Variants in PAN3 observed in about 807,000 individuals in gnomAD.
PAN3 encodes the protein PAN2-PAN3 deadenylation complex subunit PAN3.
PAN3 carries 19 observed loss-of-function variants against 96.2 expected under a neutral mutation model. The ratio of observed to expected loss-of-function variants is 0.20; its 90% CI spans 0.14 to 0.29. The LOEUF (loss-of-function observed/expected upper bound fraction) is 0.29. Among genes scored for constraint, PAN3 ranks in the 10% least tolerant of loss-of-function variants. The pLI, the probability that PAN3 is intolerant of heterozygous loss-of-function variation, is 1.00. For synonymous variants in PAN3, 433 were observed against 406.6 expected, an observed-to-expected ratio of 1.06 and a Z score of -0.78; for missense variants, 882 against 1,108.1, an observed-to-expected ratio of 0.80 and a Z score of 2.90.
At chr13:28,173,923 C>T (rs1874621693) in intron 1 of PAN3, among the ~76,000 whole-genome samples, 1 of 152,260 alleles carries the variant, frequency 6.6e-6, no homozygotes, top group South Asian at 2.1e-4. Context: ...TGTTTACCAT[C>T]CAGTGATTCA....
chr13:28,258,159 AAG>A (rs1239185920), intron 7 of PAN3, among the ~76,000 whole-genome samples: 1 of 152,092 alleles, frequency 6.6e-6, no homozygotes, highest in Non-Finnish European at 1.5e-5. Context: ...CACAAGAAAA[AAG>A]AGATATTATT....
chr13:28,243,396 C>G (rs1316765418), intron 6 of PAN3, among the ~76,000 whole-genome samples: 13 of 152,046 alleles, frequency 8.6e-5, no homozygotes, highest in Admixed American at 8.5e-4. Context: ...AAAACATAAG[C>G]AAAACAAAAA....
At chr13:28,224,824 A>G (rs556788474) in intron 6 of PAN3, among the ~76,000 whole-genome samples, 146 of 152,214 alleles carry the variant, frequency 9.6e-4, no homozygotes, top group African/African-American at 2.8e-3. Flanking sequence ...AGTTCTCACT[A>G]TATTTTCCAG....
chr13:28,266,457 A>T (rs1309005599), intron 9 of PAN3, among the ~76,000 whole-genome samples: 1 of 152,178 alleles, frequency 6.6e-6, no homozygotes, highest in Non-Finnish European at 1.5e-5. Context: ...ACAAATTTGT[A>T]TTGTGCTATA....
intron 6 of PAN3, among the ~76,000 whole-genome samples, chr13:28,254,733 A>T (rs1885003268): frequency 6.6e-6 from 1 of 152,132 alleles, no homozygotes; most frequent in African/African-American, 2.4e-5. Flanking sequence ...GGGTTTTTTT[A>T]AAGTTTCTTT....
Position 28,292,490 on chromosome 13 carries a change from G to A in PAN3, c.2632G>A (p.Glu878Lys), listed in dbSNP as rs1224575001. The A allele has an allele frequency of 1.2e-6, 2 of 1,612,154 alleles. No homozygotes were observed. Among genetic ancestry groups the A allele is most frequent in the African/African-American group, 1.3e-5 (1 of 74,876 alleles). Reference protein sequence around the residue: ...LKRCFENTFQELIAAANGQL With the variant: ...LKRCFENTFQKLIAAANGQL Reference sequence around the variant, plus strand: ...GCGCTGCTTTGAAAATACTTTTCAAGAACTGATTGCAGCTGCAAATGGTCA... The same window carrying A: ...GCGCTGCTTTGAAAATACTTTTCAAAAACTGATTGCAGCTGCAAATGGTCA... The change falls in exon 19 of 19, where the codon GAA becomes AAA. Residue 878 changes from glutamate to lysine, a missense_variant. Glu to Lys is a moderately conservative substitution (Grantham distance 56, BLOSUM62 1). Around this residue, in one of 3 missense-constraint regions of PAN3, gnomAD observed 76 missense variants for 171.7 expected, o/e 0.44. Coordinates refer to ENST00000380958, the MANE Select transcript of PAN3 (RefSeq NM_175854.8).
intron 7 of PAN3, among the ~76,000 whole-genome samples, chr13:28,258,904 T>C (rs374284507): frequency 2.9e-4 from 44 of 152,330 alleles, no homozygotes; most frequent in African/African-American, 1.0e-3. Context: ...ATAAGTGCTT[T>C]GTGAATAGTT....
At chr13:28,277,152 T>G in intron 14 of PAN3, 85 bp from the exon 15 acceptor site, 1 of 1,329,596 alleles carries the variant, frequency 7.5e-7, no homozygotes. Context: ...TAATGATGCT[T>G]TTTCCATTTA....
At chr13:28,169,364 G>A (rs548829344) in intron 1 of PAN3, among the ~76,000 whole-genome samples, 53 of 151,088 alleles carry the variant, frequency 3.5e-4, no homozygotes, top group African/African-American at 1.3e-3. Flanking sequence ...CAAGTAGCTG[G>A]TCTTACAGGT....
intron 6 of PAN3, among the ~76,000 whole-genome samples, chr13:28,251,875 GGTTTGTTT>G (rs3029488): frequency 1.3e-5 from 2 of 150,232 alleles, no homozygotes; most frequent in African/African-American, 2.5e-5. Flanking sequence ...TCTTGGGGTT[GGTTTGTTT>G]GTTTGTTTGT....
intron 5 of PAN3, among the ~76,000 whole-genome samples, chr13:28,204,831 GGTT>G (rs1879157387): frequency 6.6e-6 from 1 of 152,118 alleles, no homozygotes; most frequent in Non-Finnish European, 1.5e-5. Context: ...AAAATTGTGT[GGTT>G]GTGAATCATA....
In PAN3 at chr13:28,203,807, CT is replaced by C. The variant is rs767439908; in HGVS notation, c.852+6476del. On this transcript the variant is annotated intron_variant, in intron 5 of 18. Coordinates refer to ENST00000380958, the MANE Select transcript of PAN3 (RefSeq NM_175854.8). ...CGTCTCTGCTTTTCTTTTTTCTTTTCTTTTTTTTTTTTTTTGAGACGGAGTC... is the reference window on the plus strand; with the variant it reads ...CGTCTCTGCTTTTCTTTTTTCTTTTCTTTTTTTTTTTTTTGAGACGGAGTC... 5.1e-3 allele frequency among the ~76,000 whole-genome samples: 712 copies of C among 139,812 alleles called. 3 individuals carry two copies. Among genetic ancestry groups the C allele is most frequent in the African/African-American group, 0.012 (470 of 38,624 alleles). 91.7% of individuals were successfully genotyped at this position (139,812 alleles called of 152,430 possible).
chr13:28,257,134 G>A lies in PAN3; in HGVS notation c.1248+595G>A, dbSNP rs45600941. 6.9e-3 allele frequency among the ~76,000 whole-genome samples: 1,050 copies of A among 152,166 alleles called. 10 individuals are homozygous for A. Among genetic ancestry groups the A allele is most frequent in the African/African-American group, 0.024 (1,011 of 41,498 alleles). On this transcript the variant is annotated intron_variant, in intron 7 of 18. Transcript: ENST00000380958. ...CTGGCGATGAAGTGAGGGAAGAATC[G>A]TGAAACAAATGGGAAGAGGTGGCCC... is the stretch of plus-strand genomic sequence containing the variant.
At chr13:28,197,075 C>T in intron 4 of PAN3, 110 bp from the exon 5 acceptor site, 2 of 1,311,420 alleles carry the variant, frequency 1.5e-6, no homozygotes, top group Non-Finnish European at 2.0e-6. Context: ...GTTTTAGAAA[C>T]TTGTTTCCTA....
intron 4 of PAN3, among the ~76,000 whole-genome samples, chr13:28,182,654 C>T (rs553565172): frequency 6.6e-6 from 1 of 152,148 alleles, no homozygotes; most frequent in African/African-American, 2.4e-5. Flanking sequence ...GAAGTGGGAC[C>T]AAAGGGAGCT....
intron 17 of PAN3, 86 bp downstream of exon 17, chr13:28,281,465 GAA>G (rs1196680076): frequency 2.1e-5 from 25 of 1,203,348 alleles, no homozygotes; most frequent in Non-Finnish European, 2.8e-5. Flanking sequence ...GCTTTATTTG[GAA>G]AAAGAGAAAA....
intron 1 of PAN3, among the ~76,000 whole-genome samples, chr13:28,166,497 G>A (rs1175497683): frequency 6.6e-6 from 1 of 152,216 alleles, no homozygotes; most frequent in Non-Finnish European, 1.5e-5. Context: ...ACAGGTTGGA[G>A]TCTGGTGCCT....
rs1884695123 is a variant in PAN3, at chr13:28,251,234, A to G, written c.1001-5058A>G. Among the ~76,000 whole-genome samples the G allele has an allele frequency of 2.6e-5, 4 of 152,166 alleles. No individual in the cohort carries two copies. The South Asian group carries it at 8.3e-4, about 32-fold the overall frequency. ...TCATATTCTTAATCACCTCCGTAGTAATTATATTTTATAATCTGTTTTATA... is the reference window on the plus strand; with the variant it reads ...TCATATTCTTAATCACCTCCGTAGTGATTATATTTTATAATCTGTTTTATA... On this transcript the variant is annotated intron_variant, in intron 6 of 18. Coordinates refer to ENST00000380958, the MANE Select transcript of PAN3 (RefSeq NM_175854.8).
intron 5 of PAN3, among the ~76,000 whole-genome samples, chr13:28,207,224 T>G (rs1362809721): frequency 6.6e-6 from 1 of 152,234 alleles, no homozygotes; most frequent in Non-Finnish European, 1.5e-5. Flanking sequence ...TGAGCTCTTT[T>G]TGACCCCTCA....
Sources: gnomAD v4.1 joint callset for allele counts (sites outside exome capture counted in the v4.1 genomes callset) on GRCh38, gnomAD v4.1.1 for gene constraint, gnomAD v4.1.1 regional missense constraint, MANE v1.5 for transcripts, NCBI Gene and HGNC (gene_info 2026-07-23, HGNC 2026-07-21) for gene names.